Variants in NPAT observed in about 807,000 individuals in gnomAD.
NPAT encodes protein NPAT.
Under a neutral mutation model 130.7 loss-of-function variants are expected in NPAT, and 52 were observed. That is an observed-to-expected ratio of 0.40 (90% CI 0.32 to 0.50). The LOEUF (loss-of-function observed/expected upper bound fraction) is 0.50. NPAT is among the 20% of genes least tolerant of loss of function. NPAT has a pLI of 0.68. For synonymous variants in NPAT, 580 were observed against 584.8 expected (o/e 0.99, Z 0.12); for missense variants, 1,687 against 1,662.6 (o/e 1.01, Z -0.26).
Position 108,165,429 on chromosome 11 carries a change from A to AAT in NPAT, c.3011-3251_3011-3250dup, listed in dbSNP as rs772874605. The stretch of plus-strand genomic sequence containing the variant: ...CCAGTTTCTTTTATTTTCTTCTATT[A>AAT]ATATATACACACACATATGTATTTA... On this transcript the variant is annotated intron_variant, in intron 15 of 17. Transcript: ENST00000278612. Among the ~76,000 whole-genome samples the AAT allele has an allele frequency of 2.5e-3, 363 of 146,558 alleles. 3 individuals are homozygous for AAT. The highest frequency in any genetic ancestry group is 4.1e-3 in the Admixed American group (60 of 14,466).
At chr11:108,169,309 G>C (rs765177661) in intron 15 of NPAT, among the ~76,000 whole-genome samples, 1 of 152,186 alleles carries the variant, frequency 6.6e-6, no homozygotes, top group Non-Finnish European at 1.5e-5. Context: ...GAAGCTGTTA[G>C]AAATGAGGAA....
At chr11:108,205,215 T>C (rs1031825675) in intron 1 of NPAT, among the ~76,000 whole-genome samples, 5 of 152,208 alleles carry the variant, frequency 3.3e-5, no homozygotes, top group African/African-American at 1.2e-4. Flanking sequence ...ACTTTGATTG[T>C]TGAAGAAAAA....
chr11:108,214,631 A>AT (rs575646719), intron 1 of NPAT, among the ~76,000 whole-genome samples: 2,708 of 140,364 alleles, frequency 0.019, 65 homozygotes, highest in African/African-American at 0.053. Flanking sequence ...TATGATTCCA[A>AT]TTTTTTTTTT....
intron 5 of NPAT, 122 bp downstream of exon 5, chr11:108,190,332 AAAAAAG>A: frequency 6.3e-6 from 4 of 630,758 alleles, no homozygotes; most frequent in Non-Finnish European, 1.1e-5. Flanking sequence ...AAAAAAAAAA[AAAAAAG>A]AAAGAAAAAC....
chr11:108,176,494 T>TA (rs2078007657), intron 11 of NPAT, 120 bp from the exon 12 acceptor site: 4 of 748,848 alleles, frequency 5.3e-6, no homozygotes, highest in Non-Finnish European at 8.9e-6. Flanking sequence ...TATGGATGTT[T>TA]AAAAAATGTT....
chr11:108,190,634 A>C, intron 4 of NPAT, 134 bp from the exon 5 acceptor site: 2 of 758,050 alleles, frequency 2.6e-6, no homozygotes, highest in Non-Finnish European at 4.6e-6. Flanking sequence ...AAAAAGACAA[A>C]CACACACATT....
chr11:108,168,078 G>A (rs1014302505), intron 15 of NPAT, among the ~76,000 whole-genome samples: 2 of 152,144 alleles, frequency 1.3e-5, no homozygotes, highest in African/African-American at 4.8e-5. Flanking sequence ...TGGTAGTGTT[G>A]TGAGGGAAGC....
At chr11:108,203,937 T>G (rs1257714878) in intron 1 of NPAT, among the ~76,000 whole-genome samples, 3 of 152,230 alleles carry the variant, frequency 2.0e-5, no homozygotes, top group African/African-American at 7.2e-5. Context: ...CTTGTAAAAT[T>G]TGTTTCTTCT....
intron 1 of NPAT, among the ~76,000 whole-genome samples, chr11:108,199,152 C>T (rs943350059): frequency 3.9e-5 from 6 of 152,194 alleles, no homozygotes; most frequent in Admixed American, 1.3e-4. Context: ...AGAGTTGTAA[C>T]GGTCCTTGGG....
intron 15 of NPAT, among the ~76,000 whole-genome samples, chr11:108,166,284 A>C (rs899578170): frequency 1.3e-5 from 2 of 152,066 alleles, no homozygotes; most frequent in East Asian, 3.9e-4. Flanking sequence ...CCCAGCTACA[A>C]GGGAGGCTGA....
intron 13 of NPAT, chr11:108,171,026 C>A (rs938194915): frequency 1.3e-5 from 2 of 150,670 alleles, no homozygotes; most frequent in Non-Finnish European, 1.5e-5. Flanking sequence ...CTCTGAGGAA[C>A]ATACAATAAA....
At chr11:108,180,878 C>G (rs2078052009) in intron 10 of NPAT, among the ~76,000 whole-genome samples, 1 of 152,078 alleles carries the variant, frequency 6.6e-6, no homozygotes, top group East Asian at 1.9e-4. Flanking sequence ...CAAAGGAAAT[C>G]CCATCACAGG....
intron 13 of NPAT, among the ~76,000 whole-genome samples, chr11:108,170,884 A>G (rs2077943800): frequency 6.6e-6 from 1 of 152,186 alleles, no homozygotes; most frequent in Non-Finnish European, 1.5e-5. Flanking sequence ...AAACAGACCC[A>G]TTAGGTTTAA....
At chr11:108,170,145 C>A (rs1368013470) in intron 13 of NPAT, 102 bp from the exon 14 acceptor site, 46 of 625,380 alleles carry the variant, frequency 7.4e-5, no homozygotes, top group Non-Finnish European at 1.1e-4. Context: ...GAAATAAATT[C>A]TATGAACAAT....
At chr11:108,220,884 A>G (rs2078480918) in intron 1 of NPAT, among the ~76,000 whole-genome samples, 1 of 152,240 alleles carries the variant, frequency 6.6e-6, no homozygotes, top group Non-Finnish European at 1.5e-5. Flanking sequence ...AAGCCATGAC[A>G]GAAGTCCAAA....
intron 1 of NPAT, among the ~76,000 whole-genome samples, chr11:108,214,911 G>A (rs1399560423): frequency 1.3e-5 from 2 of 152,174 alleles, no homozygotes; most frequent in Non-Finnish European, 1.5e-5. Context: ...GGGATTACAC[G>A]CGTGAGCCAC....
At chr11:108,181,254 A>T (rs2078055551) in intron 10 of NPAT, among the ~76,000 whole-genome samples, 2 of 152,208 alleles carry the variant, frequency 1.3e-5, no homozygotes, top group African/African-American at 2.4e-5. Context: ...ACCCGAGGTC[A>T]GGAGTTCGAG....
At chr11:108,209,418 A>G (rs531665989) in intron 1 of NPAT, among the ~76,000 whole-genome samples, 115 of 152,208 alleles carry the variant, frequency 7.6e-4, no homozygotes, top group South Asian at 1.5e-3. Context: ...GCCTGTGTCT[A>G]AAAACATCTC....
chr11:108,169,188 T>C (rs528531076), intron 15 of NPAT, among the ~76,000 whole-genome samples: 37 of 152,254 alleles, frequency 2.4e-4, no homozygotes, highest in African/African-American at 7.9e-4. Context: ...TTTTCACAAG[T>C]AAACAGATGG....
Sources: gnomAD v4.1 joint callset for allele counts (sites outside exome capture counted in the v4.1 genomes callset) on GRCh38, gnomAD v4.1.1 for gene constraint, MANE v1.5 for transcripts, NCBI Gene and HGNC (gene_info 2026-07-23, HGNC 2026-07-21) for gene names.